Variants in HS6ST3 observed in about 807,000 individuals in gnomAD.
The protein encoded by HS6ST3 is heparan-sulfate 6-O-sulfotransferase 3.
In HS6ST3, 12 loss-of-function variants were observed where a neutral mutation model predicts 36.7. The ratio of observed to expected loss-of-function variants is 0.33; its 90% CI spans 0.21 to 0.53. The LOEUF (loss-of-function observed/expected upper bound fraction) is 0.53. HS6ST3 is among the 20% of genes least tolerant of loss of function. HS6ST3 has a pLI of 0.95. For missense variants in HS6ST3, 584 were observed against 640.9 expected, an observed-to-expected ratio of 0.91 and a Z score of 0.96; for synonymous variants, 240 against 257.5, an observed-to-expected ratio of 0.93 and a Z score of 0.65.
chr13:96,767,649 C>T (rs1378999803), intron 1 of HS6ST3, among the ~76,000 whole-genome samples: 2 of 152,158 alleles, frequency 1.3e-5, no homozygotes, highest in Admixed American at 6.5e-5. Context: ...CATTTCTGTT[C>T]ATTGGAGGCC....
chr13:96,438,671 A>G (rs943591033), intron 1 of HS6ST3, among the ~76,000 whole-genome samples: 2 of 152,252 alleles, frequency 1.3e-5, no homozygotes, highest in Non-Finnish European at 2.9e-5. Flanking sequence ...TTCCTGACCA[A>G]TAATGCCTGT....
rs1449429788 is a variant in HS6ST3, at chr13:96,090,496, C to G, written c.-367C>G. Among the ~76,000 whole-genome samples, 1 of 146,538 alleles carries G rather than the reference C, an allele frequency of 6.8e-6. No individual in the cohort carries two copies. Among genetic ancestry groups the G allele is most frequent in the African/African-American group, 2.4e-5 (1 of 40,886 alleles). On this transcript the variant is annotated 5_prime_UTR_variant, in exon 1 of 2. Transcript: ENST00000376705. ...CGCGCGGCAGGTCCAGGACCCGAACCCCGCTCCCCAGCGCCTGAGCGCCTG... is the reference window on the plus strand; with the variant it reads ...CGCGCGGCAGGTCCAGGACCCGAACGCCGCTCCCCAGCGCCTGAGCGCCTG...
chr13:96,155,093 C>T (rs899796801), intron 1 of HS6ST3, among the ~76,000 whole-genome samples: 1 of 152,082 alleles, frequency 6.6e-6, no homozygotes, highest in South Asian at 2.1e-4. Context: ...AGTCAATACA[C>T]GTGTATTACA....
At chr13:96,358,049 C>A (rs998097689) in intron 1 of HS6ST3, among the ~76,000 whole-genome samples, 1 of 151,900 alleles carries the variant, frequency 6.6e-6, no homozygotes, top group African/African-American at 2.4e-5. Flanking sequence ...ACCTTCAATT[C>A]GTAAAAAAAG....
chr13:96,140,843 G>A (rs1047259586), intron 1 of HS6ST3, among the ~76,000 whole-genome samples: 20 of 152,112 alleles, frequency 1.3e-4, no homozygotes, highest in African/African-American at 4.6e-4. Context: ...ATCATTACGT[G>A]ACAACTTAAA....
intron 1 of HS6ST3, among the ~76,000 whole-genome samples, chr13:96,268,329 G>A (rs2054702931): frequency 6.6e-6 from 1 of 151,928 alleles, no homozygotes; most frequent in African/African-American, 2.4e-5. Context: ...TCACGGCAGG[G>A]GAAGCAAACA....
chr13:96,670,697 GTTC>G (rs2056680100), intron 1 of HS6ST3, among the ~76,000 whole-genome samples: 1 of 152,076 alleles, frequency 6.6e-6, no homozygotes, highest in Admixed American at 6.5e-5. Context: ...ATATTGAACT[GTTC>G]TTTTTATATT....
chr13:96,400,219 A>G (rs978695764), intron 1 of HS6ST3, among the ~76,000 whole-genome samples: 22 of 150,924 alleles, frequency 1.5e-4, no homozygotes, highest in Non-Finnish European at 2.4e-4. Flanking sequence ...ATACACACAG[A>G]CACAGACTCA....
chr13:96,339,401 T>A (rs544561843), intron 1 of HS6ST3, among the ~76,000 whole-genome samples: 1 of 152,184 alleles, frequency 6.6e-6, no homozygotes, highest in South Asian at 2.1e-4. Context: ...ATAGCCTGAG[T>A]TATCAGGATC....
chr13:96,618,995 G>A (rs1277122010), intron 1 of HS6ST3, among the ~76,000 whole-genome samples: 2 of 151,514 alleles, frequency 1.3e-5, no homozygotes, highest in African/African-American at 2.4e-5. Context: ...AAAGAATATG[G>A]AGGAGTTGGG....
At chr13:96,672,422 T>G (rs370978605) in intron 1 of HS6ST3, among the ~76,000 whole-genome samples, 1 of 152,148 alleles carries the variant, frequency 6.6e-6, no homozygotes, top group South Asian at 2.1e-4. Flanking sequence ...TGGTCAAACA[T>G]AGAAGGTCAT....
At chr13:96,276,579 G>A (rs1173851529) in intron 1 of HS6ST3, among the ~76,000 whole-genome samples, 3 of 152,162 alleles carry the variant, frequency 2.0e-5, no homozygotes, top group Non-Finnish European at 2.9e-5. Context: ...ATTCAATACA[G>A]TAAAGCATGT....
chr13:96,454,424 A>T (rs935194826), intron 1 of HS6ST3, among the ~76,000 whole-genome samples: 3 of 152,170 alleles, frequency 2.0e-5, no homozygotes, highest in African/African-American at 7.2e-5. Context: ...TGCTGTGTAA[A>T]CCTAACATTA....
chr13:96,709,747 C>T (rs1042848683), intron 1 of HS6ST3, among the ~76,000 whole-genome samples: 4 of 152,114 alleles, frequency 2.6e-5, no homozygotes, highest in African/African-American at 7.2e-5. Flanking sequence ...TTGCTTCAGC[C>T]CCCCAGGCTG....
chr13:96,549,107 C>T (rs940177745), intron 1 of HS6ST3, among the ~76,000 whole-genome samples: 8 of 152,150 alleles, frequency 5.3e-5, no homozygotes, highest in African/African-American at 1.9e-4. Flanking sequence ...CATTAGCTCC[C>T]CTGTTGCCCT....
intron 1 of HS6ST3, among the ~76,000 whole-genome samples, chr13:96,199,410 G>A (rs568608836): frequency 2.6e-5 from 4 of 152,262 alleles, no homozygotes; most frequent in South Asian, 2.1e-4. Flanking sequence ...CACAGAGTAC[G>A]TCTTGATAGT....
intron 1 of HS6ST3, among the ~76,000 whole-genome samples, chr13:96,353,548 T>A (rs1239158328): frequency 2.0e-5 from 3 of 151,882 alleles, no homozygotes; most frequent in African/African-American, 7.3e-5. Context: ...TAGAAGAAAA[T>A]GTTACCAAAC....
At chr13:96,429,976 G>A (rs2055606894) in intron 1 of HS6ST3, among the ~76,000 whole-genome samples, 1 of 152,072 alleles carries the variant, frequency 6.6e-6, no homozygotes, top group Admixed American at 6.5e-5. Flanking sequence ...CTGACAGAAA[G>A]GCATGATAAA....
At chr13:96,337,249 G>A (rs948245466) in intron 1 of HS6ST3, among the ~76,000 whole-genome samples, 121 of 152,204 alleles carry the variant, frequency 7.9e-4, no homozygotes, top group African/African-American at 2.6e-3. Flanking sequence ...TGTATTTTTA[G>A]TAGAGACGTG....
Sources: gnomAD v4.1 joint callset for allele counts (sites outside exome capture counted in the v4.1 genomes callset) on GRCh38, gnomAD v4.1.1 for gene constraint, MANE v1.5 for transcripts, NCBI Gene and HGNC (gene_info 2026-07-23, HGNC 2026-07-21) for gene names.